VPS13C: variants seen among roughly 807,000 people sequenced by gnomAD.
The protein encoded by VPS13C is vacuolar protein sorting 13 homolog C, also known as intermembrane lipid transfer protein VPS13C.
A neutral mutation model predicts 456.8 loss-of-function variants in VPS13C; 358 were observed. The ratio of observed to expected loss-of-function variants is 0.78; its 90% CI spans 0.72 to 0.86. The LOEUF (loss-of-function observed/expected upper bound fraction) is 0.86, where lower values mean the gene tolerates loss of function less well. VPS13C is among the 40% of genes least tolerant of loss of function. The probability of loss-of-function intolerance (pLI) is 0.00; values close to 1 mark genes in which losing one functional copy is unlikely to be tolerated. For missense variants in VPS13C, 4,818 were observed against 4,385.4 expected (o/e 1.10, Z -2.79); for synonymous variants, 1,578 against 1,486.7 (o/e 1.06, Z -1.41).
rs888364709 is a variant in VPS13C at position 61,950,946 on chromosome 15, T to C, written c.4535A>G (p.Lys1512Arg). Residue 1512 changes from lysine to arginine, a missense_variant and splice_region_variant, in exon 40 of 85, where the codon AAG (lysine) becomes AGG (arginine). Lys to Arg is a conservative substitution (Grantham distance 26). This residue lies in a region of VPS13C where 4,552 missense variants were observed against 4,130.6 expected (regional missense o/e 1.10). Coordinates refer to ENST00000644861, the MANE Select transcript of VPS13C (RefSeq NM_020821.3). ...DEPLLKMLLT[K>R]ADSDGPEFKT... Reference sequence around the variant, plus strand: ...AATCCTAGAAATGAAACTAGTTACCTTTGTCAGTAACATTTTCAGAAGGGG... The same window carrying C: ...AATCCTAGAAATGAAACTAGTTACCCTTGTCAGTAACATTTTCAGAAGGGG... 12 of 1,588,538 alleles carry C rather than the reference T, an allele frequency of 7.6e-6. No homozygotes were observed. In the African/African-American group the frequency reaches 1.6e-4, roughly 21 times the overall value.
rs755726091 is a variant in VPS13C at position 62,008,718 on chromosome 15, A to T, written c.1055T>A (p.Val352Asp). 1.4e-5 allele frequency: 23 copies of T among 1,607,836 alleles called. No homozygotes were observed. In the South Asian group the frequency reaches 2.4e-4, roughly 17 times the overall value. ...IDLLESVDYM[V>D]RNAPYRKYKP... ...GTATTTCCTATAAGGCGCATTCCTAACCATATAATCCACTGACTCCAAAAG... is the reference window on the plus strand; with the variant it reads ...GTATTTCCTATAAGGCGCATTCCTATCCATATAATCCACTGACTCCAAAAG... Residue 352 changes from valine (V) to aspartate (D), a missense_variant, in exon 14 of 85, where the codon GTT (valine) becomes GAT (aspartate). Val to Asp is a radical substitution (Grantham distance 152). Transcript: ENST00000644861.
intron 14 of VPS13C, among the ~76,000 whole-genome samples, chr15:62,008,144 T>G (rs1486533499): frequency 6.6e-6 from 1 of 151,730 alleles, no homozygotes. Flanking sequence ...AGGCAGGGAG[T>G]TGCTTGAACC....
chr15:62,048,212 G>A (rs185547855), intron 1 of VPS13C, among the ~76,000 whole-genome samples: 2,960 of 149,716 alleles, frequency 0.02, 47 homozygotes, highest in Non-Finnish European at 0.031. Flanking sequence ...CCATTAACTC[G>A]TCATTTAGCA....
Position 61,878,748 on chromosome 15 carries a change from T to A in VPS13C, c.10003-2A>T. 1.9e-6 allele frequency: 3 copies of A among 1,600,214 alleles called. No homozygotes were observed. Among genetic ancestry groups the A allele is most frequent in the Admixed American group, 3.5e-5 (2 of 57,000 alleles). ...ACCCAAAGACAAACTCAAATGCAAC[T>A]AAAAGAAAAATAATGTTCAATAAAT... On this transcript the variant is annotated splice_acceptor_variant, in intron 73 of 84. Transcript: ENST00000644861. LOFTEE classifies it high-confidence loss of function.
intron 16 of VPS13C, among the ~76,000 whole-genome samples, chr15:61,995,945 T>C (rs2046369437): frequency 6.6e-6 from 1 of 152,186 alleles, no homozygotes; most frequent in Non-Finnish European, 1.5e-5. Flanking sequence ...GGCCTCACCA[T>C]GGAGCACAGC....
At chr15:61,967,300 CA>C in intron 29 of VPS13C, 67 bp downstream of exon 29, 1 of 1,343,874 alleles carries the variant, frequency 7.4e-7, no homozygotes, top group South Asian at 1.2e-5. Context: ...AACTTACTGT[CA>C]TATTCTTCCT....
At chr15:61,905,414 G>T (rs186327162) in intron 66 of VPS13C, among the ~76,000 whole-genome samples, 169 of 152,162 alleles carry the variant, frequency 1.1e-3, no homozygotes, top group African/African-American at 3.4e-3. Context: ...TAAATCTTAT[G>T]TTGTAATTTA....
chr15:61,907,290 T>G lies in VPS13C; in HGVS notation c.9079A>C (p.Asn3027His), dbSNP rs1205406506. Residue 3027 changes from asparagine (N) to histidine (H), a missense_variant, in exon 66 of 85, where the codon AAT becomes CAT. Physicochemically the swap from Asn to His is moderately conservative, Grantham distance 68 (BLOSUM62 1). Around this residue, in one of 3 missense-constraint regions of VPS13C, gnomAD observed 4,552 missense variants for 4,130.6 expected, o/e 1.10. Coordinates refer to ENST00000644861, the MANE Select transcript of VPS13C (RefSeq NM_020821.3). ...TRKLTWTYAA[N>H]VGEHDLLKDG... is the part of the protein sequence containing the mutation. ...TTTAACAGATCATGTTCCCCAACAT[T>G]TGCTGCATATGTCCATGTAAGTTTT... The G allele has an allele frequency of 1.2e-6, 2 of 1,613,822 alleles. No individual in the cohort carries two copies. The highest frequency in any genetic ancestry group is 2.2e-5 in the East Asian group (1 of 44,880).
chr15:62,009,472 T>C (rs1440716876), intron 13 of VPS13C, among the ~76,000 whole-genome samples: 1 of 152,208 alleles, frequency 6.6e-6, no homozygotes, highest in Non-Finnish European at 1.5e-5. Context: ...GAAATGTGTC[T>C]AGTCTGAACT....
At chr15:61,934,479 G>A (rs987000849) in intron 48 of VPS13C, 148 bp from the exon 49 acceptor site, 12 of 441,942 alleles carry the variant, frequency 2.7e-5, no homozygotes, top group African/African-American at 1.8e-4. Flanking sequence ...TGGCAATTAT[G>A]TTCCAACTGT....
At chr15:62,003,355 T>C (rs1187418278) in intron 15 of VPS13C, among the ~76,000 whole-genome samples, 4 of 151,786 alleles carry the variant, frequency 2.6e-5, no homozygotes, top group South Asian at 2.1e-4. Context: ...CTTGTGATTT[T>C]TGCACATTGA....
In VPS13C at chr15:61,925,550, T is replaced by C. The variant is rs1390981558; in HGVS notation, c.6517-2A>G. On this transcript the variant is annotated splice_acceptor_variant, in intron 52 of 84. Coordinates refer to ENST00000644861, the MANE Select transcript of VPS13C (RefSeq NM_020821.3). LOFTEE classifies it high-confidence loss of function. ...AAATAAAGAACAGGGCTGCAAGACC[T>C]ATAAACAGATAAATGAAATTCACAT... 1 of 1,573,170 alleles carries C rather than the reference T, an allele frequency of 6.4e-7. No homozygotes were observed. The highest frequency in any genetic ancestry group is 8.6e-7 in the Non-Finnish European group (1 of 1,161,290).
At position 61,991,835 on chromosome 15, in the gene VPS13C, G is replaced by C. The variant is rs200766674; in HGVS notation, c.1354-33C>G. On this transcript the variant is annotated intron_variant, in intron 16 of 84. Coordinates refer to ENST00000644861, the MANE Select transcript of VPS13C (RefSeq NM_020821.3). Reference sequence around the variant, plus strand: ...ATAAAAATTAAAAAATTTACTTTAAGAATGTTGCCCTCTTCATTTTCAGGT... The same window carrying C: ...ATAAAAATTAAAAAATTTACTTTAACAATGTTGCCCTCTTCATTTTCAGGT... 30 of 1,593,970 alleles carry C rather than the reference G, an allele frequency of 1.9e-5. No individual in the cohort carries two copies. In the African/African-American group the frequency reaches 2.9e-4, roughly 15 times the overall value.
At chr15:62,049,313 T>C (rs541052464) in intron 1 of VPS13C, among the ~76,000 whole-genome samples, 190 of 152,346 alleles carry the variant, frequency 1.2e-3, no homozygotes, top group African/African-American at 4.3e-3. Flanking sequence ...GTTTCAGCTT[T>C]CTACATATGG....
intron 15 of VPS13C, among the ~76,000 whole-genome samples, chr15:62,001,748 C>A (rs565968225): frequency 6.6e-6 from 1 of 152,072 alleles, no homozygotes; most frequent in African/African-American, 2.4e-5. Flanking sequence ...AGTTCCCACC[C>A]ATGAGTGAGA....
Position 61,912,021 on chromosome 15 carries a change from A to T in VPS13C, c.8551-17T>A. The T allele has an allele frequency of 6.4e-7, 1 of 1,550,462 alleles. No homozygotes were observed. Among genetic ancestry groups the T allele is most frequent in the Non-Finnish European group, 8.7e-7 (1 of 1,146,254 alleles). The stretch of plus-strand genomic sequence containing the variant: ...AACACCAACCTGTGGAAAGGAAAAA[A>T]GCTTATTTTCCAGTTTATTCAATGT... On this transcript the variant is annotated splice_polypyrimidine_tract_variant and intron_variant, in intron 62 of 84. Transcript: ENST00000644861.
chr15:61,920,272 A>G lies in VPS13C; in HGVS notation c.7272T>C (p.Phe2424=). 1 of 1,613,342 alleles carries G rather than the reference A, an allele frequency of 6.2e-7. No individual in the cohort carries two copies. The highest frequency in any genetic ancestry group is 8.5e-7 in the Non-Finnish European group (1 of 1,179,466). ...GAACACCTACAGCATTTTTTACCGT[A>G]AAAGGAGCTCTGTCCTTTAAAGAGT... ...FDYSLKDRAP[F]TVKNAVGVPI... Residue 2424 remains phenylalanine, a synonymous_variant, in exon 57 of 85, where the codon TTT becomes TTC. Transcript: ENST00000644861.
At position 61,983,943 on chromosome 15, in the gene VPS13C, C is replaced by T; in HGVS notation, c.1791G>A (p.Val597=). 6.2e-7 allele frequency: 1 copy of T among 1,614,104 alleles called. No individual in the cohort carries two copies. Among genetic ancestry groups the T allele is most frequent in the Non-Finnish European group, 8.5e-7 (1 of 1,179,994 alleles). The change falls in exon 20 of 85, where the codon GTG becomes GTA. Residue 597 remains valine (V), a synonymous_variant. Coordinates refer to ENST00000644861, the MANE Select transcript of VPS13C (RefSeq NM_020821.3). ...LRQQDIVPSL[V]ASIGDTTSSL... ...ATGATGTAGTGTCACCAATTGAAGC[C>T]ACAAGTGATGGCACAATATCCTGCT...
intron 53 of VPS13C, among the ~76,000 whole-genome samples, chr15:61,924,537 T>G (rs1295811902): frequency 6.6e-6 from 1 of 152,214 alleles, no homozygotes; most frequent in Admixed American, 6.5e-5. Flanking sequence ...CATAAATTTA[T>G]ACACAAAGAA....
Sources: allele counts gnomAD v4.1 joint callset (sites outside exome capture counted in the v4.1 genomes callset), GRCh38; gene constraint gnomAD v4.1.1; regional missense constraint gnomAD v4.1.1; transcripts MANE v1.5; gene names NCBI Gene and HGNC (gene_info 2026-07-23, HGNC 2026-07-21).